CTSV: variants seen among roughly 807,000 people sequenced by gnomAD.
The protein encoded by CTSV is cathepsin V, also known as cathepsin L2.
In CTSV, 33 loss-of-function variants were observed where a neutral mutation model predicts 35.6. The ratio of observed to expected loss-of-function variants is 0.93; its 90% CI spans 0.70 to 1.24. CTSV has a LOEUF of 1.24. Among genes scored for constraint, CTSV ranks in the 50% most tolerant of loss-of-function variants. The pLI is 0.00. For synonymous variants in CTSV, 154 were observed against 147.1 expected (o/e 1.05, Z -0.34); for missense variants, 408 against 413.1 (o/e 0.99, Z 0.11).
At chr9:97,037,883 CAG>C in intron 2 of CTSV, 33 bp downstream of exon 2, 3 of 1,608,256 alleles carry the variant, frequency 1.9e-6, no homozygotes, top group Non-Finnish European at 2.6e-6. Context: ...CCATTCTCTC[CAG>C]AGTCCCTCTG....
intron 7 of CTSV, among the ~76,000 whole-genome samples, chr9:97,033,849 G>A (rs979884173): frequency 1.3e-5 from 2 of 152,044 alleles, no homozygotes; most frequent in Admixed American, 1.3e-4. Flanking sequence ...TAATACCAGT[G>A]CTTTGGGAGG....
upstream of CTSV, chr9:97,039,480 T>C (rs972809522): frequency 5.9e-5 from 9 of 152,198 alleles, no homozygotes; most frequent in African/African-American, 2.2e-4. Context: ...TTTAACTTAG[T>C]CCTAGAGTTT....
At chr9:97,036,786 C>A in intron 4 of CTSV, 39 bp from the exon 5 acceptor site, 1 of 1,496,488 alleles carries the variant, frequency 6.7e-7, no homozygotes, top group Non-Finnish European at 9.1e-7. Context: ...ATTTACAAGA[C>A]CAATACAAAT....
chr9:97,036,250 T>G (rs1828847827), intron 5 of CTSV: 1 of 417,752 alleles, frequency 2.4e-6, no homozygotes, highest in Non-Finnish European at 4.4e-6. Flanking sequence ...TTTTTGTATT[T>G]TTAGTAGAGA....
chr9:97,035,721 G>T (rs373447125), intron 5 of CTSV, 28 bp from the exon 6 acceptor site: 404 of 1,395,868 alleles, frequency 2.9e-4, no homozygotes, highest in Non-Finnish European at 3.6e-4. Context: ...GGAGAGACTT[G>T]ATCACTACCA....
chr9:97,038,106 C>G (rs1361709460), intron 1 of CTSV, 53 bp from the exon 2 acceptor site: 1 of 1,529,264 alleles, frequency 6.5e-7, no homozygotes, highest in Non-Finnish European at 9.0e-7. Context: ...AAAAAGCCAT[C>G]TTACAGCCCC....
At chr9:97,037,636 G>A in intron 2 of CTSV, 21 bp from the exon 3 acceptor site, 1 of 1,611,930 alleles carries the variant, frequency 6.2e-7, no homozygotes, top group Non-Finnish European at 8.5e-7. Flanking sequence ...ACATATAGCT[G>A]GTGGACTTTA....
chr9:97,032,945 C>G lies in CTSV; in HGVS notation c.*4G>C, dbSNP rs1286068855. On this transcript the variant is annotated 3_prime_UTR_variant, in exon 8 of 8. Transcript: ENST00000259470. ...TAAGTCCTTCCTCCTCACCATCCAT[C>G]AGCTCACACATTGGGGTAGCTGGCT... 6.2e-7 allele frequency: 1 copy of G among 1,605,380 alleles called. No individual in the cohort carries two copies. Among genetic ancestry groups the G allele is most frequent in the Admixed American group, 1.7e-5 (1 of 58,468 alleles).
chr9:97,035,483 T>C, intron 6 of CTSV, 45 bp downstream of exon 6: 4 of 1,384,366 alleles, frequency 2.9e-6, no homozygotes, highest in Middle Eastern at 1.9e-4. Flanking sequence ...ATCACAGTGA[T>C]GCTTCCCAAT....
chr9:97,037,366 G>C lies in CTSV; in HGVS notation c.282C>G (p.Cys94Trp). Residue 94 changes from cysteine (C) to tryptophan (W), a missense_variant, in exon 4 of 8, where the codon TGC becomes TGG. Cys to Trp is a radical substitution (Grantham distance 215). Transcript: ENST00000259470. ...TNEEFRQMMG[C>W]FRNQKFRKGK... ...CCTTCCTGAATTTCTGGTTTCGAAA[G>C]CAACCCATCATCTGCCTGAATTCTT... is the stretch of plus-strand genomic sequence containing the variant. The C allele has an allele frequency of 6.2e-7, 1 of 1,614,154 alleles. No homozygotes were observed. Among genetic ancestry groups the C allele is most frequent in the Non-Finnish European group, 8.5e-7 (1 of 1,180,026 alleles).
intron 2 of CTSV, 27 bp from the exon 3 acceptor site, chr9:97,037,642 C>G (rs1828878536): frequency 3.7e-6 from 6 of 1,610,674 alleles, no homozygotes; most frequent in Non-Finnish European, 5.1e-6. Context: ...AGCTGGTGGA[C>G]TTTATGTCTA....
In CTSV at chr9:97,037,275, A is replaced by T. The variant is rs752383893; in HGVS notation, c.373T>A (p.Tyr125Asn). The change falls in exon 4 of 8, where the codon TAC becomes AAC. Residue 125 changes from tyrosine to asparagine, a missense_variant. Tyr to Asn is a moderately radical substitution (Grantham distance 143). Transcript: ENST00000259470. ...PKSVDWRKKG[Y>N]VTPVKNQKQC... The stretch of plus-strand genomic sequence containing the variant: ...ACCTGATTCTTCACTGGCGTCACGT[A>T]GCCTTTCTTTCTCCAATCCACAGAT... 1.6e-5 allele frequency: 26 copies of T among 1,614,142 alleles called. 3 individuals are homozygous for T. In the South Asian group the frequency reaches 2.6e-4, roughly 16 times the overall value.
chr9:97,034,847 G>A lies in CTSV; in HGVS notation c.788-4C>T. On this transcript the variant is annotated splice_region_variant and splice_polypyrimidine_tract_variant and intron_variant, in intron 6 of 7. Coordinates refer to ENST00000259470, the MANE Select transcript of CTSV (RefSeq NM_001333.4). ...CAGTCTGGTTCAAAATAAATGCCTG[G>A]GAGAGTAAAATTAATGCTGGGGTGA... 6.2e-7 allele frequency: 1 copy of A among 1,611,892 alleles called. No individual in the cohort carries two copies. The highest frequency in any genetic ancestry group is 8.5e-7 in the Non-Finnish European group (1 of 1,178,186).
chr9:97,032,968 G>C lies in CTSV; in HGVS notation c.986C>G (p.Ala329Gly). Reference protein sequence around the residue: ...KNNHCGIATAASYPNV With the variant: ...KNNHCGIATAGSYPNV ...ATCAGCTCACACATTGGGGTAGCTG[G>C]CTGCTGTGGCGATTCCACAGTGGTT... The change falls in exon 8 of 8, where the codon GCC becomes GGC. Residue 329 changes from alanine to glycine, a missense_variant. By Grantham distance (60) the Ala-to-Gly change is moderately conservative. Coordinates refer to ENST00000259470, the MANE Select transcript of CTSV (RefSeq NM_001333.4). 1 of 1,612,108 alleles carries C rather than the reference G, an allele frequency of 6.2e-7. No individual in the cohort carries two copies. The highest frequency in any genetic ancestry group is 8.5e-7 in the Non-Finnish European group (1 of 1,178,884).
intron 7 of CTSV, 129 bp from the exon 8 acceptor site, chr9:97,033,177 C>A: frequency 1.7e-6 from 1 of 601,364 alleles, no homozygotes; most frequent in East Asian, 2.9e-5. Context: ...TGTTAATATC[C>A]ATTTATAAAT....
At position 97,031,911 on chromosome 9, in the gene CTSV, G is replaced by C. The variant is rs142307050; in HGVS notation, c.*1038C>G. On this transcript the variant is annotated 3_prime_UTR_variant, in exon 8 of 8. Transcript: ENST00000259470. ...GAGCTAGGTGGAATATGTCATCAGA[G>C]ACTTGGAATGAAAACAAAATACCCT... 23 of 152,330 alleles carry C rather than the reference G, an allele frequency of 1.5e-4. No homozygotes were observed. Among genetic ancestry groups the C allele is most frequent in the African/African-American group, 4.8e-4 (20 of 41,574 alleles). The allele number at this position is 152,330 out of a possible 1,614,324, so 9.4% of individuals were successfully genotyped here. A position where few individuals can be genotyped will look rare whatever the true frequency, so the allele number is the denominator to read the frequency against.
chr9:97,036,241 T>C (rs1169973449), intron 5 of CTSV, among the ~76,000 whole-genome samples: 1 of 152,030 alleles, frequency 6.6e-6, no homozygotes, highest in African/African-American at 2.4e-5. Context: ...GGGCTAATTT[T>C]TTTGTATTTT....
Position 97,037,391 on chromosome 9 carries a change from T to C in CTSV, c.257A>G (p.Glu86Gly), listed in dbSNP as rs763754475. Residue 86 changes from glutamate (E) to glycine (G), a missense_variant, in exon 4 of 8, where the codon GAA becomes GGA. By Grantham distance (98) the Glu-to-Gly change is moderately conservative. Transcript: ENST00000259470. ...GCAACCCATCATCTGCCTGAATTCTTCATTGGTCTTCAAGGAGAAGTAAAT... is the reference window on the plus strand; with the variant it reads ...GCAACCCATCATCTGCCTGAATTCTCCATTGGTCTTCAAGGAGAAGTAAAT... ...AMNAFGDMTN[E>G]EFRQMMGCFR... 1.2e-6 allele frequency: 2 copies of C among 1,614,102 alleles called. No individual in the cohort carries two copies. The highest frequency in any genetic ancestry group is 2.2e-5 in the South Asian group (2 of 91,036).
chr9:97,035,981 C>A (rs1828841105), intron 5 of CTSV, among the ~76,000 whole-genome samples: 1 of 152,056 alleles, frequency 6.6e-6, no homozygotes, highest in South Asian at 2.1e-4. Context: ...TATGTAAAAG[C>A]AAGAACAGCT....
Sources: allele counts gnomAD v4.1 joint callset (sites outside exome capture counted in the v4.1 genomes callset), GRCh38; gene constraint gnomAD v4.1.1; transcripts MANE v1.5; gene names NCBI Gene and HGNC (gene_info 2026-07-23, HGNC 2026-07-21).